Variants in EEIG2 observed in about 807,000 individuals in gnomAD.
The protein encoded by EEIG2 is EEIG family member 2.
At chr1:108,592,218 A>G in the EEIG2 span, among the ~76,000 whole-genome samples, 1 of 152,192 alleles carries the variant, frequency 6.6e-6, no homozygotes, top group South Asian at 2.1e-4. Flanking sequence ...TACAAATAGG[A>G]AGTAACACAG....
chr1:108,588,857 T>TA, the EEIG2 span, among the ~76,000 whole-genome samples: 1 of 152,130 alleles, frequency 6.6e-6, no homozygotes, highest in Non-Finnish European at 1.5e-5. Context: ...TACGTTTTTT[T>TA]AATGAAATTT....
chr1:108,609,350 T>A, the EEIG2 span, among the ~76,000 whole-genome samples: 1 of 152,134 alleles, frequency 6.6e-6, no homozygotes, highest in South Asian at 2.1e-4. Flanking sequence ...ACAGACAATA[T>A]GCAAATATGA....
At chr1:108,627,114 T>G in the EEIG2 span, 2 of 152,214 alleles carry the variant, frequency 1.3e-5, no homozygotes, top group Non-Finnish European at 2.9e-5. Context: ...TGAATAAATT[T>G]TGAAAACCAG....
chr1:108,575,831 C>T, the EEIG2 span, among the ~76,000 whole-genome samples: 2 of 152,138 alleles, frequency 1.3e-5, no homozygotes, highest in African/African-American at 4.8e-5. Context: ...TGGGCAGTGA[C>T]TGCTAGTGGA....
chr1:108,601,082 C>T, the EEIG2 span, among the ~76,000 whole-genome samples: 3 of 152,032 alleles, frequency 2.0e-5, no homozygotes, highest in Non-Finnish European at 4.4e-5. Flanking sequence ...AACCAGGGCT[C>T]AGAGAAGTTA....
At chr1:108,609,535 A>C in the EEIG2 span, among the ~76,000 whole-genome samples, 1 of 152,164 alleles carries the variant, frequency 6.6e-6, no homozygotes, top group African/African-American at 2.4e-5. Context: ...AGTAAAAGAG[A>C]AAGTTATAAG....
the EEIG2 span, among the ~76,000 whole-genome samples, chr1:108,582,859 T>C: frequency 6.6e-6 from 1 of 152,010 alleles, no homozygotes; most frequent in Non-Finnish European, 1.5e-5. Flanking sequence ...TAGAGCATAT[T>C]TGGGGGATGC....
chr1:108,618,436 G>C, the EEIG2 span, among the ~76,000 whole-genome samples: 1 of 152,180 alleles, frequency 6.6e-6, no homozygotes, highest in South Asian at 2.1e-4. Flanking sequence ...GAATGGAACA[G>C]GGAAATGCAG....
chr1:108,570,637 A>G, the EEIG2 span, among the ~76,000 whole-genome samples: 4 of 152,230 alleles, frequency 2.6e-5, no homozygotes, highest in African/African-American at 7.2e-5. Context: ...ATGGCAGTAT[A>G]CGTGTTCATG....
the EEIG2 span, among the ~76,000 whole-genome samples, chr1:108,592,427 A>C: frequency 4.7e-4 from 72 of 152,332 alleles, 1 homozygote; most frequent in Non-Finnish European, 7.4e-5. Context: ...TTAATAGACA[A>C]CTGCACTTCG....
At chr1:108,602,066 G>T in the EEIG2 span, among the ~76,000 whole-genome samples, 1 of 152,196 alleles carries the variant, frequency 6.6e-6, no homozygotes, top group Non-Finnish European at 1.5e-5. Context: ...AAACAATTCA[G>T]TAATGGAGAA....
At chr1:108,600,998 A>T in the EEIG2 span, among the ~76,000 whole-genome samples, 2 of 152,124 alleles carry the variant, frequency 1.3e-5, no homozygotes, top group African/African-American at 4.8e-5. Flanking sequence ...TTTATTAGGC[A>T]TTGTTCTGGG....
At chr1:108,604,208 C>T in the EEIG2 span, among the ~76,000 whole-genome samples, 54 of 152,226 alleles carry the variant, frequency 3.5e-4, 1 homozygote, top group East Asian at 9.9e-3. Flanking sequence ...TGGGATTGGA[C>T]GCAGTAGATC....
the EEIG2 span, among the ~76,000 whole-genome samples, chr1:108,612,782 A>G: frequency 2.0e-5 from 3 of 152,356 alleles, no homozygotes; most frequent in East Asian, 1.9e-4. Context: ...TGTATACTTC[A>G]TAGAGTTAAT....
the EEIG2 span, among the ~76,000 whole-genome samples, chr1:108,598,838 A>G: frequency 9.5e-4 from 144 of 152,242 alleles, no homozygotes; most frequent in African/African-American, 2.7e-3. Flanking sequence ...TGATGGAGAA[A>G]TCAGAAAAAC....
the EEIG2 span, among the ~76,000 whole-genome samples, chr1:108,572,378 C>T: frequency 6.6e-5 from 10 of 152,100 alleles, no homozygotes; most frequent in African/African-American, 2.2e-4. Context: ...TCCTGCCACA[C>T]GGTCGTACAT....
At chr1:108,611,412 T>C in the EEIG2 span, among the ~76,000 whole-genome samples, 1 of 152,100 alleles carries the variant, frequency 6.6e-6, no homozygotes, top group African/African-American at 2.4e-5. Context: ...GGAAAGACTA[T>C]AGGGCAACCT....
the EEIG2 span, among the ~76,000 whole-genome samples, chr1:108,609,746 C>T: frequency 6.6e-6 from 1 of 152,142 alleles, no homozygotes; most frequent in Non-Finnish European, 1.5e-5. Flanking sequence ...AGATCATGAC[C>T]TTTTCAGGGA....
chr1:108,608,816 G>A, the EEIG2 span, among the ~76,000 whole-genome samples: 3 of 152,338 alleles, frequency 2.0e-5, no homozygotes, highest in African/African-American at 7.2e-5. Flanking sequence ...ATTTCCTGCA[G>A]TTCTGGAGGC....
Sources: allele counts gnomAD v4.1 joint callset (sites outside exome capture counted in the v4.1 genomes callset), GRCh38; gene constraint gnomAD v4.1.1; transcripts MANE v1.5; gene names NCBI Gene and HGNC (gene_info 2026-07-23, HGNC 2026-07-21).